Variants in TGOLN2 observed in about 807,000 individuals in gnomAD.
TGOLN2 encodes trans-golgi network protein 2, also known as trans-Golgi network integral membrane protein 2.
In TGOLN2, 19 loss-of-function variants were observed where a neutral mutation model predicts 31.3. The ratio of observed to expected loss-of-function variants is 0.61; its 90% CI spans 0.42 to 0.89. The LOEUF (loss-of-function observed/expected upper bound fraction) is 0.89. TGOLN2 is among the 40% of genes least tolerant of loss of function. TGOLN2 has a pLI of 0.00. For missense variants in TGOLN2, 540 were observed against 559.2 expected (o/e 0.97, Z 0.35); for synonymous variants, 222 against 226.7 (o/e 0.98, Z 0.19).
Position 85,327,222 on chromosome 2 carries a change from C to T in TGOLN2, c.510G>A (p.Ser170=). 8 of 1,612,088 alleles carry T rather than the reference C, an allele frequency of 5.0e-6. No homozygotes were observed. The highest frequency in any genetic ancestry group is 6.8e-6 in the Non-Finnish European group (8 of 1,179,414). ...TQKDSPSKSG[S]EAQTTKDVPN... is the part of the protein sequence containing the mutation. Reference sequence around the variant, plus strand: ...GGACATCTTTTGTGGTCTGCGCCTCCGAACCTGACTTGCTAGGGCTGTCTT... The same window carrying T: ...GGACATCTTTTGTGGTCTGCGCCTCTGAACCTGACTTGCTAGGGCTGTCTT... Residue 170 remains serine, a synonymous_variant, in exon 2 of 4, where the codon TCG becomes TCA. Coordinates refer to ENST00000377386, the MANE Select transcript of TGOLN2 (RefSeq NM_006464.4).
In TGOLN2 at chr2:85,327,577, C is replaced by T; in HGVS notation, c.155G>A (p.Gly52Asp). Residue 52 changes from glycine to aspartate, a missense_variant, in exon 2 of 4, where the codon GGC becomes GAC. Gly to Asp is a moderately conservative substitution (Grantham distance 94). Transcript: ENST00000377386. The stretch of plus-strand genomic sequence containing the variant: ...CGGCTCCGGATGCGACTTGGTAGAG[C>T]CTCCAGGCCGTTGGCTCAAGCTGGG... Reference protein sequence around the residue: ...THPSLSQRPGGSTKSHPEPQT... With the variant: ...THPSLSQRPGDSTKSHPEPQT... 6.2e-7 allele frequency: 1 copy of T among 1,614,074 alleles called. No individual in the cohort carries two copies. Among genetic ancestry groups the T allele is most frequent in the Non-Finnish European group, 8.5e-7 (1 of 1,179,908 alleles).
intron 3 of TGOLN2, among the ~76,000 whole-genome samples, chr2:85,323,325 G>A (rs900015886): frequency 1.3e-5 from 2 of 152,178 alleles, no homozygotes; most frequent in African/African-American, 4.8e-5. Flanking sequence ...CAGCACTCTG[G>A]GAGGCTGAGG....
In TGOLN2 at chr2:85,318,063, T is replaced by G. The variant is rs940253751; in HGVS notation, c.*4673A>C. The G allele has an allele frequency of 6.6e-6, 1 of 152,136 alleles. No individual in the cohort carries two copies. The highest frequency in any genetic ancestry group is 1.5e-5 in the Non-Finnish European group (1 of 68,034). 9.4% of individuals were successfully genotyped at this position (152,136 alleles called of 1,614,324 possible). A position where few individuals can be genotyped will look rare whatever the true frequency, so the allele number is the denominator to read the frequency against. ...TTTTGAAATTTATTTTGGTTTCTGT[T>G]CAACAAAACCAAACCACATTGGGAT... On this transcript the variant is annotated 3_prime_UTR_variant, in exon 4 of 4. Coordinates refer to ENST00000377386, the MANE Select transcript of TGOLN2 (RefSeq NM_006464.4).
rs1487752210 is a variant in TGOLN2 at position 85,319,379 on chromosome 2, T to C, written c.*3357A>G. 2.6e-5 allele frequency: 4 copies of C among 152,028 alleles called. No individual in the cohort carries two copies. The highest frequency in any genetic ancestry group is 6.6e-5 in the Admixed American group (1 of 15,252). 9.4% of individuals were successfully genotyped at this position (152,028 alleles called of 1,614,324 possible). A position where few individuals can be genotyped will look rare whatever the true frequency, so the allele number is the denominator to read the frequency against. ...TTTTATTAGAGACGGGGTTTCACCA[T>C]GTTGGCCAGGATGGTCTCGATCTCT... On this transcript the variant is annotated 3_prime_UTR_variant, in exon 4 of 4. Transcript: ENST00000377386.
chr2:85,326,097 GA>G (rs1232534488), intron 2 of TGOLN2, among the ~76,000 whole-genome samples: 1 of 152,194 alleles, frequency 6.6e-6, no homozygotes, highest in Non-Finnish European at 1.5e-5. Context: ...TGCCACTGCT[GA>G]TGGAAGAGAG....
intron 1 of TGOLN2, 69 bp from the exon 2 acceptor site, chr2:85,327,754 G>A: frequency 8.3e-7 from 1 of 1,206,970 alleles, no homozygotes; most frequent in Non-Finnish European, 1.1e-6. Flanking sequence ...AGAACTGGAA[G>A]AGATCGGGAG....
Position 85,319,569 on chromosome 2 carries a change from C to A in TGOLN2, c.*3167G>T, listed in dbSNP as rs533328256. ...TCTCAGAGTCTGCTCAAAAGCTCAG[C>A]TCTGTGGACTCCGTGACAAAATGTA... On this transcript the variant is annotated 3_prime_UTR_variant, in exon 4 of 4. Coordinates refer to ENST00000377386, the MANE Select transcript of TGOLN2 (RefSeq NM_006464.4). 1 of 152,328 alleles carries A rather than the reference C, an allele frequency of 6.6e-6. No homozygotes were observed. The highest frequency in any genetic ancestry group is 2.1e-4 in the South Asian group (1 of 4,826). The allele number at this position is 152,328 out of a possible 1,614,324, so 9.4% of individuals were successfully genotyped here. A position where few individuals can be genotyped will look rare whatever the true frequency, so the allele number is the denominator to read the frequency against.
chr2:85,327,851 G>A (rs371068292), intron 1 of TGOLN2, 66 bp downstream of exon 1: 2 of 1,567,058 alleles, frequency 1.3e-6, no homozygotes, highest in African/African-American at 1.4e-5. Context: ...GAGCCTAGAG[G>A]TGACCTGCCC....
intron 2 of TGOLN2, among the ~76,000 whole-genome samples, chr2:85,325,383 C>T (rs780863357): frequency 4.9e-4 from 74 of 152,150 alleles, no homozygotes; most frequent in Non-Finnish European, 5.4e-4. Flanking sequence ...TACTTTTTCA[C>T]CCCACGATGC....
rs1233918066 is a variant in TGOLN2 at position 85,319,412 on chromosome 2, GT to G, written c.*3323del. On this transcript the variant is annotated 3_prime_UTR_variant, in exon 4 of 4. Coordinates refer to ENST00000377386, the MANE Select transcript of TGOLN2 (RefSeq NM_006464.4). Reference sequence around the variant, plus strand: ...AGGATGGTCTCGATCTCTTGACCTCGTGATCCCCCCGCCTCGGCCTCCCAAA... The same window carrying G: ...AGGATGGTCTCGATCTCTTGACCTCGGATCCCCCCGCCTCGGCCTCCCAAA... 1 of 151,972 alleles carries G rather than the reference GT, an allele frequency of 6.6e-6. No individual in the cohort carries two copies. 9.4% of individuals were successfully genotyped at this position (151,972 alleles called of 1,614,324 possible).
chr2:85,324,970 C>T lies in TGOLN2; in HGVS notation c.1253G>A (p.Arg418Lys). The T allele has an allele frequency of 6.4e-7, 1 of 1,553,354 alleles. No individual in the cohort carries two copies. The highest frequency in any genetic ancestry group is 8.7e-7 in the Non-Finnish European group (1 of 1,147,640). ...KIIAFVLEGK[R>K]SKVTRRPKAS... ...CTTTGGCCGCCGGGTGACTTTAGAT[C>T]TTTTTCCTTCCAGGACAAAAGCAAT... Residue 418 changes from arginine (R) to lysine (K), a missense_variant, in exon 3 of 4, where the codon AGA becomes AAA. Arg to Lys is a conservative substitution (Grantham distance 26). Transcript: ENST00000377386.
At chr2:85,325,797 A>G (rs1173132083) in intron 2 of TGOLN2, among the ~76,000 whole-genome samples, 3 of 152,186 alleles carry the variant, frequency 2.0e-5, no homozygotes, top group Non-Finnish European at 4.4e-5. Context: ...CATTTTTACT[A>G]AAGGTCTTCC....
chr2:85,326,349 A>G (rs970652594), intron 2 of TGOLN2, among the ~76,000 whole-genome samples, 159 bp downstream of exon 2: 1 of 152,190 alleles, frequency 6.6e-6, no homozygotes, highest in Non-Finnish European at 1.5e-5. Context: ...GATTAACAAA[A>G]CAAGAGTAAA....
rs1189418960 is a variant in TGOLN2 at position 85,319,938 on chromosome 2, G to A, written c.*2798C>T. The stretch of plus-strand genomic sequence containing the variant: ...TCTGAAATGAGTGGCATGATGAAGA[G>A]CTGGTGGAGCTGAGGGAAAGAGTCA... On this transcript the variant is annotated 3_prime_UTR_variant, in exon 4 of 4. Coordinates refer to ENST00000377386, the MANE Select transcript of TGOLN2 (RefSeq NM_006464.4). 6.6e-6 allele frequency: 1 copy of A among 152,490 alleles called. No homozygotes were observed. Among genetic ancestry groups the A allele is most frequent in the Non-Finnish European group, 1.5e-5 (1 of 68,240 alleles). The allele number at this position is 152,490 out of a possible 1,614,324, so 9.4% of individuals were successfully genotyped here. A position where few individuals can be genotyped will look rare whatever the true frequency, so the allele number is the denominator to read the frequency against.
In TGOLN2 at chr2:85,327,492, G is replaced by C. The variant is rs545426499; in HGVS notation, c.240C>G (p.Thr80=). 5.0e-6 allele frequency: 8 copies of C among 1,613,968 alleles called. No individual in the cohort carries two copies. Among genetic ancestry groups the C allele is most frequent in the East Asian group, 2.2e-5 (1 of 44,872 alleles). ...TTGCCTCCGCACCCGACTTGTTGGG[G>C]GTGTCTTCTGGGGTCTGCGCCTCCG... ...SSAEAQTPED[T]PNKSGAEAKT... is the part of the protein sequence containing the mutation. The change falls in exon 2 of 4, where the codon ACC becomes ACG. Residue 80 remains threonine (T), a synonymous_variant. Transcript: ENST00000377386.
Position 85,321,801 on chromosome 2 carries a change from GA to G in TGOLN2, c.*934del, listed in dbSNP as rs1343211564. 6.6e-6 allele frequency: 1 copy of G among 152,164 alleles called. No homozygotes were observed. Among genetic ancestry groups the G allele is most frequent in the Non-Finnish European group, 1.5e-5 (1 of 68,028 alleles). 9.4% of individuals were successfully genotyped at this position (152,164 alleles called of 1,614,324 possible). A position where few individuals can be genotyped will look rare whatever the true frequency, so the allele number is the denominator to read the frequency against. On this transcript the variant is annotated 3_prime_UTR_variant, in exon 4 of 4. Transcript: ENST00000377386. Reference sequence around the variant, plus strand: ...AAATGTATCTCATAAAAGCCCTTTGGAAAAACTGCAGACCAAAACCAAAACC... The same window carrying G: ...AAATGTATCTCATAAAAGCCCTTTGGAAAACTGCAGACCAAAACCAAAACC...
chr2:85,320,540 AC>A lies in TGOLN2; in HGVS notation c.*2195del, dbSNP rs1682510548. The A allele has an allele frequency of 6.6e-6, 1 of 152,234 alleles. No homozygotes were observed. Among genetic ancestry groups the A allele is most frequent in the Non-Finnish European group, 1.5e-5 (1 of 68,050 alleles). 9.4% of individuals were successfully genotyped at this position (152,234 alleles called of 1,614,324 possible). A position where few individuals can be genotyped will look rare whatever the true frequency, so the allele number is the denominator to read the frequency against. On this transcript the variant is annotated 3_prime_UTR_variant, in exon 4 of 4. Coordinates refer to ENST00000377386, the MANE Select transcript of TGOLN2 (RefSeq NM_006464.4). ...TTTAGGTGACCGAAGACTGTCCTAG[AC>A]AGTTGGGAGGGACAGGCTGATGGAC...
rs1485463720 is a variant in TGOLN2 at position 85,321,592 on chromosome 2, A to G, written c.*1144T>C. On this transcript the variant is annotated 3_prime_UTR_variant, in exon 4 of 4. Transcript: ENST00000377386. ...CCAGGGGAACCCACGGAATTTCTTC[A>G]TTTGTATTAACTCCTGACATGGCAT... 1.3e-5 allele frequency: 2 copies of G among 152,580 alleles called. No individual in the cohort carries two copies. The highest frequency in any genetic ancestry group is 2.9e-5 in the Non-Finnish European group (2 of 68,034). 9.5% of individuals were successfully genotyped at this position (152,580 alleles called of 1,614,324 possible).
chr2:85,327,421 G>A lies in TGOLN2; in HGVS notation c.311C>T (p.Thr104Ile). 6.2e-7 allele frequency: 1 copy of A among 1,612,082 alleles called. No individual in the cohort carries two copies. The highest frequency in any genetic ancestry group is 8.5e-7 in the Non-Finnish European group (1 of 1,179,228). ...SSNKSGAEAKTQKGSTSKSGS... is the reference protein window; with the variant it reads ...SSNKSGAEAKIQKGSTSKSGS... The stretch of plus-strand genomic sequence containing the variant: ...CGACTTGCTAGTGCTGCCTTTTTGG[G>A]TCTTTGCCTCCGCACCCGACTTGTT... Residue 104 changes from threonine to isoleucine, a missense_variant, in exon 2 of 4, where the codon ACC becomes ATC. Transcript: ENST00000377386.
Sources: gnomAD v4.1 joint callset for allele counts (sites outside exome capture counted in the v4.1 genomes callset) on GRCh38, gnomAD v4.1.1 for gene constraint, MANE v1.5 for transcripts, NCBI Gene and HGNC (gene_info 2026-07-23, HGNC 2026-07-21) for gene names.